Variants in RFX7 observed in about 807,000 individuals in gnomAD.
The protein encoded by RFX7 is DNA-binding protein RFX7.
In RFX7, 26 loss-of-function variants were observed where a neutral mutation model predicts 111.8. The ratio of observed to expected loss-of-function variants is 0.23; its 90% confidence interval spans 0.17 to 0.32. The LOEUF is 0.32. RFX7 is among the 10% of genes least tolerant of loss of function. The probability of loss-of-function intolerance (pLI) is 1.00; values close to 1 mark genes in which losing one functional copy is unlikely to be tolerated. For synonymous variants in RFX7, 624 were observed against 624.4 expected, an observed-to-expected ratio of 1.00 and a Z score of 0.01; for missense variants, 1,573 against 1,772.9, an observed-to-expected ratio of 0.89 and a Z score of 2.02.
At chr15:56,226,929 G>C (rs1419089342) in intron 2 of RFX7, among the ~76,000 whole-genome samples, 1 of 152,130 alleles carries the variant, frequency 6.6e-6, no homozygotes, top group Admixed American at 6.5e-5. Context: ...AAGGGAGCTT[G>C]CTTTCTGTTT....
chr15:56,149,956 G>A (rs1202021120), intron 3 of RFX7, among the ~76,000 whole-genome samples: 1 of 151,130 alleles, frequency 6.6e-6, no homozygotes, highest in Admixed American at 6.6e-5. Flanking sequence ...ACTAAGATCC[G>A]CTGGCTTGAA....
At chr15:56,125,934 G>C (rs558717866) in intron 5 of RFX7, among the ~76,000 whole-genome samples, 118 of 152,258 alleles carry the variant, frequency 7.7e-4, no homozygotes, top group Non-Finnish European at 1.2e-3. Flanking sequence ...TTCTGTAGCA[G>C]AGGGAAGCAT....
chr15:56,100,129 CA>C (rs2041733095), intron 8 of RFX7, among the ~76,000 whole-genome samples: 1 of 152,146 alleles, frequency 6.6e-6, no homozygotes, highest in African/African-American at 2.4e-5. Context: ...ACAGACAAAT[CA>C]GAATTCAAAT....
chr15:56,221,633 T>C (rs1414881533), intron 2 of RFX7, among the ~76,000 whole-genome samples: 1 of 152,136 alleles, frequency 6.6e-6, no homozygotes, highest in Non-Finnish European at 1.5e-5. Context: ...TCCTGTCTTC[T>C]TTATTATTCA....
intron 3 of RFX7, among the ~76,000 whole-genome samples, chr15:56,170,177 C>A (rs773291899): frequency 6.6e-6 from 1 of 152,056 alleles, no homozygotes; most frequent in Non-Finnish European, 1.5e-5. Context: ...TGTTCCTATA[C>A]TCAAGAAGCC....
chr15:56,112,623 A>T (rs1484741674), intron 5 of RFX7, among the ~76,000 whole-genome samples: 14 of 152,206 alleles, frequency 9.2e-5, no homozygotes, highest in Admixed American at 9.2e-4. Flanking sequence ...AATCGCCACA[A>T]GCAATTCCAA....
intron 3 of RFX7, among the ~76,000 whole-genome samples, chr15:56,155,103 G>A (rs1295523859): frequency 3.3e-5 from 5 of 152,080 alleles, no homozygotes; most frequent in South Asian, 2.1e-4. Context: ...TTAGAATGGC[G>A]ATCATTAAAA....
chr15:56,137,134 T>C (rs1595955376), intron 5 of RFX7, among the ~76,000 whole-genome samples: 1 of 152,316 alleles, frequency 6.6e-6, no homozygotes, highest in Non-Finnish European at 1.5e-5. Flanking sequence ...CCTCATAAAA[T>C]GAGTTAGGGA....
chr15:56,200,374 T>C (rs1303183426), intron 2 of RFX7, among the ~76,000 whole-genome samples: 3 of 152,122 alleles, frequency 2.0e-5, no homozygotes, highest in Admixed American at 6.5e-5. Context: ...TAAGTTTTTA[T>C]AACATATAAA....
At chr15:56,138,354 C>G (rs1173867899) in intron 5 of RFX7, among the ~76,000 whole-genome samples, 1 of 150,984 alleles carries the variant, frequency 6.6e-6, no homozygotes, top group Non-Finnish European at 1.5e-5. Context: ...GAATTGATCC[C>G]TTTACCATTA....
chr15:56,094,848 T>C lies in RFX7; in HGVS notation c.2880A>G (p.Pro960=), dbSNP rs554240079. The change falls in exon 10 of 10, where the codon CCA becomes CCG. Residue 960 remains proline (P), a synonymous_variant. Coordinates refer to ENST00000559447, the MANE Select transcript of RFX7 (RefSeq NM_022841.7). The part of the protein sequence containing the change: ...PTPTPTPTPT[P]TPTPTSEMIA... The stretch of plus-strand genomic sequence containing the variant: ...TCATTTCAGATGTCGGGGTTGGGGT[T>C]GGGGTTGGAGTAGGAGTGGGTGTGG... 1.1e-5 allele frequency: 17 copies of C among 1,556,432 alleles called. No individual in the cohort carries two copies. The Admixed American group carries it at 2.7e-4, about 25-fold the overall frequency.
chr15:56,102,845 C>T (rs1246767185), intron 6 of RFX7, among the ~76,000 whole-genome samples: 1 of 152,074 alleles, frequency 6.6e-6, no homozygotes, highest in African/African-American at 2.4e-5. Flanking sequence ...CTCTCATCTC[C>T]TCCATTTTAT....
intron 2 of RFX7, among the ~76,000 whole-genome samples, chr15:56,241,323 C>T (rs950805250): frequency 5.9e-5 from 9 of 152,072 alleles, no homozygotes; most frequent in African/African-American, 1.9e-4. Context: ...AAAGTGCACT[C>T]GACTATCATC....
intron 2 of RFX7, among the ~76,000 whole-genome samples, chr15:56,223,662 T>C (rs2043449672): frequency 6.6e-6 from 1 of 152,144 alleles, no homozygotes; most frequent in Non-Finnish European, 1.5e-5. Context: ...AAATGAACAA[T>C]TTTTCAAGAA....
intron 3 of RFX7, among the ~76,000 whole-genome samples, chr15:56,145,848 C>A (rs2042460858): frequency 6.6e-6 from 1 of 152,156 alleles, no homozygotes; most frequent in African/African-American, 2.4e-5. Flanking sequence ...AATTCGTTTG[C>A]TTATGCATTA....
chr15:56,236,911 G>A (rs533876541), intron 2 of RFX7, among the ~76,000 whole-genome samples: 2 of 152,242 alleles, frequency 1.3e-5, no homozygotes, highest in Admixed American at 1.3e-4. Context: ...TACTTTAAAT[G>A]TAATATATGC....
intron 2 of RFX7, among the ~76,000 whole-genome samples, chr15:56,184,193 A>ATTTTTTTTT (rs35880948): frequency 4.3e-4 from 35 of 80,704 alleles, no homozygotes; most frequent in South Asian, 9.3e-4. Flanking sequence ...CTAATTTTGT[A>ATTTTTTTTT]TTTTTTTTTT....
chr15:56,145,723 C>T (rs775580855), intron 3 of RFX7, among the ~76,000 whole-genome samples: 1 of 152,202 alleles, frequency 6.6e-6, no homozygotes, highest in Non-Finnish European at 1.5e-5. Flanking sequence ...GTGCATTCCA[C>T]ATTAATCCTT....
chr15:56,088,048 C>A lies in RFX7; in HGVS notation c.*5297G>T. 4.1e-6 allele frequency: 1 copy of A among 244,430 alleles called. No homozygotes were observed. Among genetic ancestry groups the A allele is most frequent in the Non-Finnish European group, 8.3e-6 (1 of 120,048 alleles). The allele number at this position is 244,430 out of a possible 1,614,324, so 15.1% of individuals were successfully genotyped here. On this transcript the variant is annotated 3_prime_UTR_variant, in exon 10 of 10. Coordinates refer to ENST00000559447, the MANE Select transcript of RFX7 (RefSeq NM_022841.7). ...TAATTTGGAGGAAAATTACAAACTA[C>A]AGGTAAATCTAAAAGCAATAAAAAT...
Sources: allele counts gnomAD v4.1 joint callset (sites outside exome capture counted in the v4.1 genomes callset), GRCh38; gene constraint gnomAD v4.1.1; transcripts MANE v1.5; gene names NCBI Gene and HGNC (gene_info 2026-07-23, HGNC 2026-07-21).